The following ARHGEF12 variants were observed in gnomAD, a reference collection of about 807,000 sequenced individuals.
The protein encoded by ARHGEF12 is Rho guanine nucleotide exchange factor 12.
Under a neutral mutation model 211.2 loss-of-function variants are expected in ARHGEF12, and 66 were observed. The ratio of observed to expected loss-of-function variants is 0.31; its 90% CI spans 0.26 to 0.38. ARHGEF12 has a LOEUF of 0.38. Among genes scored for constraint, ARHGEF12 ranks in the 10% least tolerant of loss-of-function variants. ARHGEF12 has a pLI of 1.00. For synonymous variants in ARHGEF12, 592 were observed against 638.4 expected (o/e 0.93, Z 1.09); for missense variants, 1,429 against 1,869.5 (o/e 0.76, Z 4.34).
At chr11:120,364,453 A>G (rs537080159) in intron 1 of ARHGEF12, among the ~76,000 whole-genome samples, 1 of 152,314 alleles carries the variant, frequency 6.6e-6, no homozygotes, top group South Asian at 2.1e-4. Context: ...AGTAATGCCA[A>G]TTTTGGTATA....
chr11:120,418,350 A>G (rs562300468), intron 4 of ARHGEF12, among the ~76,000 whole-genome samples: 2 of 152,292 alleles, frequency 1.3e-5, no homozygotes, highest in South Asian at 4.1e-4. Context: ...TCTTTTGCTT[A>G]CCATGATGTT....
At chr11:120,390,534 G>C (rs1006066823) in intron 1 of ARHGEF12, among the ~76,000 whole-genome samples, 3 of 152,128 alleles carry the variant, frequency 2.0e-5, no homozygotes, top group Admixed American at 2.0e-4. Flanking sequence ...TATCCACTGA[G>C]CTCTGGGATT....
intron 40 of ARHGEF12, 23 bp from the exon 41 acceptor site, chr11:120,485,044 C>T (rs1310981650): frequency 2.5e-6 from 4 of 1,610,954 alleles, no homozygotes; most frequent in Non-Finnish European, 3.4e-6. Flanking sequence ...AATATCATTT[C>T]CATGTATCTT....
At chr11:120,392,947 G>A (rs1944266832) in intron 1 of ARHGEF12, among the ~76,000 whole-genome samples, 1 of 152,184 alleles carries the variant, frequency 6.6e-6, no homozygotes, top group South Asian at 2.1e-4. Context: ...AGATGGGGTT[G>A]GCTTGACCTG....
At chr11:120,434,299 T>C (rs2135742465) in intron 11 of ARHGEF12, among the ~76,000 whole-genome samples, 1 of 152,268 alleles carries the variant, frequency 6.6e-6, no homozygotes, top group Admixed American at 6.5e-5. Context: ...TTAACACTCA[T>C]AATAATCTTA....
chr11:120,399,348 A>AAAAAAAAAAAAAAAAG, intron 1 of ARHGEF12, among the ~76,000 whole-genome samples: 1 of 149,024 alleles, frequency 6.7e-6, no homozygotes, highest in African/African-American at 2.5e-5. Context: ...AAAAAAAAAA[A>AAAAAAAAAAAAAAAAG]AAAGAAAAGA....
At chr11:120,345,747 AATAT>A (rs199856801) in intron 1 of ARHGEF12, among the ~76,000 whole-genome samples, 5 of 149,320 alleles carry the variant, frequency 3.3e-5, no homozygotes, top group Non-Finnish European at 5.9e-5. Context: ...CATACTCCTA[AATAT>A]ATATATATAT....
In ARHGEF12 at chr11:120,379,978, T is replaced by C. The variant is rs542727623; in HGVS notation, c.33-26140T>C. ...GACAGTGTTGGCCTCAGAAAATTTTTTGGGAAGTGTCATGTGTTTTCACTT... is the reference window on the plus strand; with the variant it reads ...GACAGTGTTGGCCTCAGAAAATTTTCTGGGAAGTGTCATGTGTTTTCACTT... On this transcript the variant is annotated intron_variant, in intron 1 of 40. Transcript: ENST00000397843. Among the ~76,000 whole-genome samples the C allele has an allele frequency of 4.6e-5, 7 of 152,316 alleles. No individual in the cohort carries two copies. The East Asian group carries it at 1.4e-3, about 29-fold the overall frequency.
At position 120,407,797 on chromosome 11, in the gene ARHGEF12, T is replaced by TTGCATC; in HGVS notation, c.117_122dup (p.Ala40_Ser41dup). ...GATAAGAAGCAGAAAGTTGAGCGCA[T>TTGCATC]TGCATCACATGATTTTGACCCCACA... On this transcript the variant is annotated inframe_insertion, in exon 3 of 41. Transcript: ENST00000397843. The TTGCATC allele has an allele frequency of 6.2e-7, 1 of 1,613,688 alleles. No homozygotes were observed. Among genetic ancestry groups the TTGCATC allele is most frequent in the African/African-American group, 1.3e-5 (1 of 75,038 alleles).
intron 27 of ARHGEF12, among the ~76,000 whole-genome samples, chr11:120,461,942 C>G (rs536347758): frequency 6.9e-6 from 1 of 144,490 alleles, no homozygotes; most frequent in Non-Finnish European, 1.5e-5. Flanking sequence ...TAGGCTTTGG[C>G]TTAAGGGAAT....
chr11:120,403,011 GGTAA>G (rs1470477678), intron 1 of ARHGEF12, among the ~76,000 whole-genome samples: 2 of 152,024 alleles, frequency 1.3e-5, no homozygotes, highest in Admixed American at 1.3e-4. Context: ...TTATTTATTG[GGTAA>G]GTGTTATTTA....
At chr11:120,341,064 T>C (rs969746430) in intron 1 of ARHGEF12, among the ~76,000 whole-genome samples, 2 of 152,130 alleles carry the variant, frequency 1.3e-5, no homozygotes, top group African/African-American at 4.8e-5. Flanking sequence ...CGAGTTAACA[T>C]GTAGGTTTTT....
At chr11:120,355,641 A>G (rs1943111198) in intron 1 of ARHGEF12, among the ~76,000 whole-genome samples, 1 of 152,216 alleles carries the variant, frequency 6.6e-6, no homozygotes, top group South Asian at 2.1e-4. Flanking sequence ...CAGGAGCTCC[A>G]GGCTGCAGTG....
At chr11:120,367,451 C>T (rs562492513) in intron 1 of ARHGEF12, among the ~76,000 whole-genome samples, 5 of 145,642 alleles carry the variant, frequency 3.4e-5, no homozygotes, top group South Asian at 2.3e-4. Context: ...CTGCAACCTC[C>T]GCCTCCTGGG....
chr11:120,440,142 T>G lies in ARHGEF12; in HGVS notation c.1013T>G (p.Leu338Arg). 6.2e-7 allele frequency: 1 copy of G among 1,612,532 alleles called. No individual in the cohort carries two copies. The highest frequency in any genetic ancestry group is 8.5e-7 in the Non-Finnish European group (1 of 1,179,272). ...GAATGTTGCCAGGACACTCAATCAC[T>G]TGTCGGAAGTCCCTCAACCCGTATA... ...ETIQDTDTQS[L>R]VGSPSTRIAP... is the part of the protein sequence containing the mutation. Residue 338 changes from leucine (L) to arginine (R), a missense_variant, in exon 13 of 41, where the codon CTT (leucine) becomes CGT (arginine). Leu to Arg is a moderately radical substitution (Grantham distance 102). Coordinates refer to ENST00000397843, the MANE Select transcript of ARHGEF12 (RefSeq NM_015313.3).
At chr11:120,364,090 C>T (rs921895226) in intron 1 of ARHGEF12, among the ~76,000 whole-genome samples, 27 of 152,050 alleles carry the variant, frequency 1.8e-4, no homozygotes, top group African/African-American at 6.0e-4. Flanking sequence ...ACTACAGGCT[C>T]GAGCCACTGT....
chr11:120,455,782 T>G (rs190091361), intron 22 of ARHGEF12, among the ~76,000 whole-genome samples: 7 of 152,330 alleles, frequency 4.6e-5, no homozygotes, highest in African/African-American at 1.7e-4. Flanking sequence ...GTGGATAGTA[T>G]GAAGCAGCAG....
Position 120,484,472 on chromosome 11 carries a change from G to A in ARHGEF12, c.4589G>A (p.Arg1530Lys). ...VEESYTILCQ[R>K]LAGSALTDKH... ...GAAAGTTACACCATTCTTTGCCAAAGGCTGGCTGGATCAGCCCTCACAGAC... is the reference window on the plus strand; with the variant it reads ...GAAAGTTACACCATTCTTTGCCAAAAGCTGGCTGGATCAGCCCTCACAGAC... Residue 1530 changes from arginine to lysine, a missense_variant, in exon 40 of 41, where the codon AGG becomes AAG. By Grantham distance (26) the Arg-to-Lys change is conservative. Around this residue, in one of 7 missense-constraint regions of ARHGEF12, gnomAD observed 467 missense variants for 468.4 expected, o/e 1.00. Coordinates refer to ENST00000397843, the MANE Select transcript of ARHGEF12 (RefSeq NM_015313.3). 1 of 1,614,108 alleles carries A rather than the reference G, an allele frequency of 6.2e-7. No individual in the cohort carries two copies. The highest frequency in any genetic ancestry group is 8.5e-7 in the Non-Finnish European group (1 of 1,180,026).
At chr11:120,378,678 A>C (rs1943796491) in intron 1 of ARHGEF12, among the ~76,000 whole-genome samples, 1 of 152,214 alleles carries the variant, frequency 6.6e-6, no homozygotes. Context: ...TAAGGATTAA[A>C]GTTTGTGCGT....
Sources: allele counts gnomAD v4.1 joint callset (sites outside exome capture counted in the v4.1 genomes callset), GRCh38; gene constraint gnomAD v4.1.1; regional missense constraint gnomAD v4.1.1; transcripts MANE v1.5; gene names NCBI Gene and HGNC (gene_info 2026-07-23, HGNC 2026-07-21).